The following TGFB1I1 variants were observed in gnomAD, a reference collection of about 807,000 sequenced individuals.
TGFB1I1 encodes transforming growth factor beta 1 induced transcript 1, also known as transforming growth factor beta-1-induced transcript 1 protein.
In TGFB1I1, 33 loss-of-function variants were observed where a neutral mutation model predicts 52.0. The observed-to-expected ratio is 0.63, with a 90% CI of 0.48 to 0.85. TGFB1I1 has a LOEUF of 0.85. TGFB1I1 is among the 40% of genes least tolerant of loss of function. The probability of loss-of-function intolerance (pLI) is 0.00; values close to 1 mark genes in which losing one functional copy is unlikely to be tolerated. For missense variants in TGFB1I1, 577 were observed against 614.9 expected, an observed-to-expected ratio of 0.94 and a Z score of 0.65; for synonymous variants, 236 against 253.3, an observed-to-expected ratio of 0.93 and a Z score of 0.65.
chr16:31,477,624 A>G lies in TGFB1I1; in HGVS notation c.*48A>G. ...CCCCCGGAGGCCGCGCCCTCCCGGA[A>G]AAGCCGGGTCCTCCAGACCCCGAGG... On this transcript the variant is annotated 3_prime_UTR_variant, in exon 11 of 11. Coordinates refer to ENST00000394863, the MANE Select transcript of TGFB1I1 (RefSeq NM_001042454.3). This position sits in a 1 kb window ranked among gnomAD's most constrained non-coding sequence, Gnocchi z 4.7. 1 of 1,537,756 alleles carries G rather than the reference A, an allele frequency of 6.5e-7. No homozygotes were observed. The highest frequency in any genetic ancestry group is 8.7e-7 in the Non-Finnish European group (1 of 1,146,476).
In TGFB1I1 at chr16:31,477,491, G is replaced by T; in HGVS notation, c.1301G>T (p.Cys434Phe). The part of the protein sequence containing the change: ...FHPDHFTCTF[C>F]LRPLTKGSFQ... ...CCGGACCACTTCACATGCACCTTCT[G>T]CCTGCGCCCGCTCACCAAGGGGTCC... The change falls in exon 11 of 11, where the codon TGC becomes TTC. Residue 434 changes from cysteine (C) to phenylalanine (F), a missense_variant. Coordinates refer to ENST00000394863, the MANE Select transcript of TGFB1I1 (RefSeq NM_001042454.3). The surrounding 1 kb of genome is among the most constrained non-coding windows in gnomAD (Gnocchi z 4.7). 1 of 1,607,622 alleles carries T rather than the reference G, an allele frequency of 6.2e-7. No individual in the cohort carries two copies.
In TGFB1I1 at chr16:31,477,710, G is replaced by A; in HGVS notation, c.*134G>A. On this transcript the variant is annotated 3_prime_UTR_variant, in exon 11 of 11. Transcript: ENST00000394863. This position sits in a 1 kb window ranked among gnomAD's most constrained non-coding sequence, Gnocchi z 4.7. Reference sequence around the variant, plus strand: ...GAGCCCCGCCCCTAAGGTACTATGAGTCCTCAGGGGTCAAGTTCAGAAACG... The same window carrying A: ...GAGCCCCGCCCCTAAGGTACTATGAATCCTCAGGGGTCAAGTTCAGAAACG... 1 of 1,213,862 alleles carries A rather than the reference G, an allele frequency of 8.2e-7. No homozygotes were observed. The highest frequency in any genetic ancestry group is 1.6e-5 in the South Asian group (1 of 61,752). 75.2% of individuals were successfully genotyped at this position (1,213,862 alleles called of 1,614,324 possible). A position where few individuals can be genotyped will look rare whatever the true frequency, so the allele number is the denominator to read the frequency against.
chr16:31,474,673 G>T lies in TGFB1I1; in HGVS notation c.630G>T (p.Leu210=), dbSNP rs764315283. 6.2e-7 allele frequency: 1 copy of T among 1,613,174 alleles called. No individual in the cohort carries two copies. Among genetic ancestry groups the T allele is most frequent in the African/African-American group, 1.3e-5 (1 of 74,946 alleles). ...GKGSLDTMLG[L]LQSDLSRRGV... ...GCAGCCTAGACACCATGCTGGGGCT[G>T]CTGCAGTCCGACCTCAGCCGCCGGG... Residue 210 remains leucine (L), a synonymous_variant, in exon 7 of 11, where the codon CTG becomes CTT. Coordinates refer to ENST00000394863, the MANE Select transcript of TGFB1I1 (RefSeq NM_001042454.3). This position sits in a 1 kb window ranked among gnomAD's most constrained non-coding sequence, Gnocchi z 4.2.
intron 1 of TGFB1I1, 149 bp downstream of exon 1, chr16:31,472,350 C>G (rs939150635): frequency 1.6e-6 from 2 of 1,274,040 alleles, no homozygotes; most frequent in Non-Finnish European, 2.0e-6. Context: ...CCACGTCCCC[C>G]TTCCTGCCTC....
Position 31,476,046 on chromosome 16 carries a change from A to G in TGFB1I1, c.749A>G (p.Glu250Gly). 2 of 1,613,542 alleles carry G rather than the reference A, an allele frequency of 1.2e-6. No homozygotes were observed. The highest frequency in any genetic ancestry group is 1.7e-6 in the Non-Finnish European group (2 of 1,179,988). The change falls in exon 8 of 11, where the codon GAG becomes GGG. Residue 250 changes from glutamate to glycine, a missense_variant. Physicochemically the swap from Glu to Gly is moderately conservative, Grantham distance 98 (BLOSUM62 -2). Coordinates refer to ENST00000394863, the MANE Select transcript of TGFB1I1 (RefSeq NM_001042454.3). This position sits in a 1 kb window ranked among gnomAD's most constrained non-coding sequence, Gnocchi z 7.6. Reference sequence around the variant, plus strand: ...GCTCTGGGCCGCGCCTGGCACCCCGAGCACTTCGTTTGCGGAGGCTGTTCC... The same window carrying G: ...GCTCTGGGCCGCGCCTGGCACCCCGGGCACTTCGTTTGCGGAGGCTGTTCC... ...VTALGRAWHPEHFVCGGCSTA... is the reference protein window; with the variant it reads ...VTALGRAWHPGHFVCGGCSTA...
chr16:31,474,067 T>G lies in TGFB1I1; in HGVS notation c.326-85T>G, dbSNP rs1596611624. The G allele has an allele frequency of 6.2e-7, 1 of 1,610,496 alleles. No homozygotes were observed. Among genetic ancestry groups the G allele is most frequent in the African/African-American group, 1.3e-5 (1 of 74,856 alleles). On this transcript the variant is annotated intron_variant, in intron 4 of 10. Transcript: ENST00000394863. The surrounding 1 kb of genome is among the most constrained non-coding windows in gnomAD (Gnocchi z 4.2). ...ACTAAGAGGAATACACTTCCCAGAG[T>G]AGCAGTTAAAGGGACCTAAAGCCTC...
chr16:31,473,245 C>T (rs1469896554), intron 1 of TGFB1I1, 196 bp from the exon 2 acceptor site: 1 of 1,399,824 alleles, frequency 7.1e-7, no homozygotes, highest in Non-Finnish European at 9.3e-7. Flanking sequence ...GTGCTTGGCT[C>T]CAAGCGTGAG....
Position 31,476,649 on chromosome 16 carries a change from G to T in TGFB1I1, c.970+87G>T, listed in dbSNP as rs2082425974. Reference sequence around the variant, plus strand: ...CCCTCCGACCTCCGGAGTCCTCAGGGCCATGGTTTTCCTTCTGCTCTCTTC... The same window carrying T: ...CCCTCCGACCTCCGGAGTCCTCAGGTCCATGGTTTTCCTTCTGCTCTCTTC... On this transcript the variant is annotated intron_variant, in intron 9 of 10. Coordinates refer to ENST00000394863, the MANE Select transcript of TGFB1I1 (RefSeq NM_001042454.3). The surrounding 1 kb of genome is among the most constrained non-coding windows in gnomAD (Gnocchi z 7.6). 1.3e-6 allele frequency: 2 copies of T among 1,491,808 alleles called. No individual in the cohort carries two copies. Among genetic ancestry groups the T allele is most frequent in the Admixed American group, 2.0e-5 (1 of 50,806 alleles). The allele number at this position is 1,491,808 out of a possible 1,614,324, so 92.4% of individuals were successfully genotyped here. A position where few individuals can be genotyped will look rare whatever the true frequency, so the allele number is the denominator to read the frequency against.
In TGFB1I1 at chr16:31,474,592, G is replaced by T. The variant is rs778829584; in HGVS notation, c.549G>T (p.Pro183=). ...CAGCCTCTGGGCCAACTCAGCCACC[G>T]GTGGTGAGCTCCACAAATGAGGGCT... ...HLPASGPTQP[P]VVSSTNEGSP... is the part of the protein sequence containing the mutation. The change falls in exon 7 of 11, where the codon CCG becomes CCT. Residue 183 remains proline (P), a synonymous_variant. Transcript: ENST00000394863. This position sits in a 1 kb window ranked among gnomAD's most constrained non-coding sequence, Gnocchi z 4.2. The T allele has an allele frequency of 9.3e-6, 15 of 1,608,902 alleles. 1 individual carries two copies. The East Asian group carries it at 1.8e-4, about 19-fold the overall frequency.
chr16:31,476,574 C>G lies in TGFB1I1; in HGVS notation c.970+12C>G, dbSNP rs768538574. The stretch of plus-strand genomic sequence containing the variant: ...CTTCGGAGATGAGGGTGAGAGTGAA[C>G]TCGACTCCCATCTTAAAAGCTGCGG... On this transcript the variant is annotated intron_variant, in intron 9 of 10. Coordinates refer to ENST00000394863, the MANE Select transcript of TGFB1I1 (RefSeq NM_001042454.3). This position sits in a 1 kb window ranked among gnomAD's most constrained non-coding sequence, Gnocchi z 7.6. 1.9e-6 allele frequency: 3 copies of G among 1,610,664 alleles called. No individual in the cohort carries two copies. Among genetic ancestry groups the G allele is most frequent in the Admixed American group, 3.4e-5 (2 of 59,570 alleles).
chr16:31,472,357 C>T (rs1445898691), intron 1 of TGFB1I1, 156 bp downstream of exon 1: 6 of 1,237,108 alleles, frequency 4.9e-6, no homozygotes, highest in Non-Finnish European at 6.2e-6. Flanking sequence ...CCCCTTCCTG[C>T]CTCTCCCTTC....
At position 31,477,659 on chromosome 16, in the gene TGFB1I1, C is replaced by T. The variant is rs1189776882; in HGVS notation, c.*83C>T. Reference sequence around the variant, plus strand: ...CCTCCAGACCCCGAGGCCTTGCTCTCAGAGCGGGAGGCCCCACCCACTGGA... The same window carrying T: ...CCTCCAGACCCCGAGGCCTTGCTCTTAGAGCGGGAGGCCCCACCCACTGGA... On this transcript the variant is annotated 3_prime_UTR_variant, in exon 11 of 11. Transcript: ENST00000394863. The surrounding 1 kb of genome is among the most constrained non-coding windows in gnomAD (Gnocchi z 4.7). 15 of 1,465,442 alleles carry T rather than the reference C, an allele frequency of 1.0e-5. No individual in the cohort carries two copies. In the East Asian group the frequency reaches 3.5e-4, roughly 34 times the overall value. 90.8% of individuals were successfully genotyped at this position (1,465,442 alleles called of 1,614,324 possible). A position where few individuals can be genotyped will look rare whatever the true frequency, so the allele number is the denominator to read the frequency against.
At position 31,476,802 on chromosome 16, in the gene TGFB1I1, TG is replaced by T. The variant is rs2082426887; in HGVS notation, c.971-59del. The T allele has an allele frequency of 6.2e-7, 1 of 1,602,974 alleles. No homozygotes were observed. Among genetic ancestry groups the T allele is most frequent in the East Asian group, 2.3e-5 (1 of 44,034 alleles). On this transcript the variant is annotated intron_variant, in intron 9 of 10. Transcript: ENST00000394863. The surrounding 1 kb of genome is among the most constrained non-coding windows in gnomAD (Gnocchi z 7.6). The stretch of plus-strand genomic sequence containing the variant: ...TCCTTCGGCCCCAGATCTCAGGTCT[TG>T]TGGGTCCCCCGTCCCGCCCGCACCC...
At position 31,477,221 on chromosome 16, in the gene TGFB1I1, G is replaced by A; in HGVS notation, c.1120-89G>A. 2.0e-6 allele frequency: 3 copies of A among 1,512,580 alleles called. No homozygotes were observed. In the South Asian group the frequency reaches 3.9e-5, roughly 20 times the overall value. The allele number at this position is 1,512,580 out of a possible 1,614,324, so 93.7% of individuals were successfully genotyped here. On this transcript the variant is annotated intron_variant, in intron 10 of 10. Coordinates refer to ENST00000394863, the MANE Select transcript of TGFB1I1 (RefSeq NM_001042454.3). The surrounding 1 kb of genome is among the most constrained non-coding windows in gnomAD (Gnocchi z 4.7). ...TTCTTCGCGTCTAGGGCGGGCTGCG[G>A]GGTCCCAGGGCGTTATCCGCTAGTA...
Position 31,473,741 on chromosome 16 carries a change from G to A in TGFB1I1, c.182+7G>A, listed in dbSNP as rs45495597. The A allele has an allele frequency of 3.6e-5, 56 of 1,571,060 alleles. No individual in the cohort carries two copies. In the African/African-American group the frequency reaches 6.2e-4, roughly 18 times the overall value. ...ACAAGGACCACCTGTACAGGTGAGGGGCCTGGAAACCAGGGCATGGGGGCC... is the reference window on the plus strand; with the variant it reads ...ACAAGGACCACCTGTACAGGTGAGGAGCCTGGAAACCAGGGCATGGGGGCC... On this transcript the variant is annotated splice_region_variant and intron_variant, in intron 3 of 10. Transcript: ENST00000394863.
In TGFB1I1 at chr16:31,477,270, G is replaced by A. The variant is rs1370314875; in HGVS notation, c.1120-40G>A. ...TAACGCGCGTTGTCTGGCAGTGGCC[G>A]CTGACCTGTCTGTCCTCTTTCGCGG... On this transcript the variant is annotated intron_variant, in intron 10 of 10. Coordinates refer to ENST00000394863, the MANE Select transcript of TGFB1I1 (RefSeq NM_001042454.3). The surrounding 1 kb of genome is among the most constrained non-coding windows in gnomAD (Gnocchi z 4.7). The A allele has an allele frequency of 1.3e-6, 2 of 1,570,100 alleles. No individual in the cohort carries two copies. Among genetic ancestry groups the A allele is most frequent in the African/African-American group, 2.7e-5 (2 of 74,310 alleles).
rs1263797595 is a variant in TGFB1I1 at position 31,476,160 on chromosome 16, G to A, written c.863G>A (p.Gly288Asp). ...TTTGAGCGCTTCTCGCCAAGATGTG[G>A]CTTCTGCAACCAGCCCATCCGACAC... is the stretch of plus-strand genomic sequence containing the variant. ...CYFERFSPRCGFCNQPIRHKM... is the reference protein window; with the variant it reads ...CYFERFSPRCDFCNQPIRHKM... Residue 288 changes from glycine to aspartate, a missense_variant, in exon 8 of 11, where the codon GGC (glycine) becomes GAC (aspartate). By Grantham distance (94) the Gly-to-Asp change is moderately conservative. This residue lies in a region of TGFB1I1 where 456 missense variants were observed against 461.6 expected (regional missense o/e 0.99). Transcript: ENST00000394863. This position sits in a 1 kb window ranked among gnomAD's most constrained non-coding sequence, Gnocchi z 7.6. 1 of 1,613,218 alleles carries A rather than the reference G, an allele frequency of 6.2e-7. No homozygotes were observed.
chr16:31,472,173 C>T lies in TGFB1I1; in HGVS notation c.-16C>T. ...CCCCGCCCTGTTCGCCCCGCGCCACCGGCCCGCGCCCCGCCATGGAGGACC... is the reference window on the plus strand; with the variant it reads ...CCCCGCCCTGTTCGCCCCGCGCCACTGGCCCGCGCCCCGCCATGGAGGACC... On this transcript the variant is annotated 5_prime_UTR_variant, in exon 1 of 11. Coordinates refer to ENST00000394863, the MANE Select transcript of TGFB1I1 (RefSeq NM_001042454.3). The T allele has an allele frequency of 2.7e-6, 4 of 1,455,884 alleles. No homozygotes were observed. Among genetic ancestry groups the T allele is most frequent in the Non-Finnish European group, 3.6e-6 (4 of 1,102,656 alleles). The allele number at this position is 1,455,884 out of a possible 1,614,324, so 90.2% of individuals were successfully genotyped here.
chr16:31,474,677 C>T lies in TGFB1I1; in HGVS notation c.634C>T (p.Gln212Ter), dbSNP rs2082412510. 1 of 1,613,142 alleles carries T rather than the reference C, an allele frequency of 6.2e-7. No homozygotes were observed. The highest frequency in any genetic ancestry group is 1.7e-5 in the Admixed American group (1 of 59,906). The part of the protein sequence containing the change: ...GSLDTMLGLL[Q>*]SDLSRRGVPT... ...CCTAGACACCATGCTGGGGCTGCTG[C>T]AGTCCGACCTCAGCCGCCGGGGTGT... The change falls in exon 7 of 11, where the codon CAG becomes TAG. Residue 212 changes from glutamine (Q) to a stop codon, truncating the protein, a stop_gained. Transcript: ENST00000394863. LOFTEE classifies it high-confidence loss of function. This position sits in a 1 kb window ranked among gnomAD's most constrained non-coding sequence, Gnocchi z 4.2.
Sources: allele counts gnomAD v4.1 joint callset, GRCh38; gene constraint gnomAD v4.1.1; regional missense constraint gnomAD v4.1.1; non-coding constraint Gnocchi (gnomAD v3.1); transcripts MANE v1.5; gene names NCBI Gene and HGNC (gene_info 2026-07-23, HGNC 2026-07-21).